Variants in CCDC180 observed in about 807,000 individuals in gnomAD.
The protein encoded by CCDC180 is coiled-coil domain-containing protein 180.
A neutral mutation model predicts 209.2 loss-of-function variants in CCDC180; 154 were observed. That is an observed-to-expected ratio of 0.74 (90% confidence interval 0.65 to 0.84). The LOEUF is 0.84. Among genes scored for constraint, CCDC180 ranks in the 40% least tolerant of loss-of-function variants. CCDC180 has a pLI of 0.00. For missense variants in CCDC180, 1,874 were observed against 1,997.3 expected (o/e 0.94, Z 1.18); for synonymous variants, 778 against 749.1 (o/e 1.04, Z -0.63).
At chr9:97,340,912 G>T (rs1826059183) in intron 18 of CCDC180, among the ~76,000 whole-genome samples, 2 of 152,226 alleles carry the variant, frequency 1.3e-5, no homozygotes. Flanking sequence ...CCGTCTCCCT[G>T]TGATGCTGTG....
At chr9:97,354,172 T>C (rs1428411672) in intron 22 of CCDC180, among the ~76,000 whole-genome samples, 3 of 151,914 alleles carry the variant, frequency 2.0e-5, no homozygotes, top group Non-Finnish European at 2.9e-5. Context: ...TAATTTTTTT[T>C]ACTTTTTTAG....
intron 19 of CCDC180, among the ~76,000 whole-genome samples, chr9:97,343,949 A>G (rs1203413007): frequency 2.0e-5 from 3 of 152,184 alleles, no homozygotes; most frequent in African/African-American, 4.8e-5. Context: ...TATCTCATGT[A>G]TGGTATTTTG....
At chr9:97,351,281 AG>A (rs1169471790) in intron 22 of CCDC180, among the ~76,000 whole-genome samples, 1 of 152,226 alleles carries the variant, frequency 6.6e-6, no homozygotes, top group East Asian at 1.9e-4. Context: ...GCAATGCACA[AG>A]GGTTCCAGTT....
At chr9:97,352,874 G>T (rs554485394) in intron 22 of CCDC180, among the ~76,000 whole-genome samples, 1 of 151,262 alleles carries the variant, frequency 6.6e-6, no homozygotes, top group East Asian at 1.9e-4. Context: ...TGAACCTTCT[G>T]CAAATCTATT....
In CCDC180 at chr9:97,340,145, C is replaced by T. The variant is rs1826033999; in HGVS notation, c.2275-3195C>T. Among the ~76,000 whole-genome samples, 2 of 152,208 alleles carry T rather than the reference C, an allele frequency of 1.3e-5. 1 individual carries two copies. The highest frequency in any genetic ancestry group is 4.1e-4 in the South Asian group (2 of 4,834). On this transcript the variant is annotated intron_variant, in intron 18 of 36. Transcript: ENST00000529487. ...GGAGAATTTTGTTATTACCAACTTT[C>T]TGAAGCCTACTTCTGTCAACTCGTC...
At position 97,334,903 on chromosome 9, in the gene CCDC180, A is replaced by G. The variant is rs149346779; in HGVS notation, c.2274+4136A>G. ...AGCAGCTTACTTTGAATGGTTATCC[A>G]TGAATGCACACTTCTCTCAGAGAGA... On this transcript the variant is annotated intron_variant, in intron 18 of 36. Transcript: ENST00000529487. Among the ~76,000 whole-genome samples, 51 of 152,300 alleles carry G rather than the reference A, an allele frequency of 3.3e-4. No homozygotes were observed. The East Asian group carries it at 9.3e-3, about 28-fold the overall frequency.
intron 31 of CCDC180, 61 bp from the exon 32 acceptor site, chr9:97,369,860 CG>C: frequency 6.4e-7 from 1 of 1,570,680 alleles, no homozygotes; most frequent in Non-Finnish European, 8.7e-7. Context: ...TTGTAGAGAT[CG>C]CCTCTGCAAG....
intron 21 of CCDC180, among the ~76,000 whole-genome samples, chr9:97,349,557 T>C (rs1826366551): frequency 6.6e-6 from 1 of 152,202 alleles, no homozygotes; most frequent in Middle Eastern, 3.2e-3. Flanking sequence ...ATATCAGTGG[T>C]GGGGAAGACC....
At chr9:97,327,961 T>C in intron 15 of CCDC180, 59 bp from the exon 16 acceptor site, 3 of 1,565,114 alleles carry the variant, frequency 1.9e-6, no homozygotes, top group South Asian at 2.4e-5. Context: ...GCCCATCTCC[T>C]TGGGGTCAGG....
rs751063951 is a variant in CCDC180 at position 97,312,151 on chromosome 9, G to A, written c.299G>A (p.Ser100Asn). ...ERAKREKARE[S>N]ENTIAAREVR... ...GCCAAGAGGGAAAAAGCCCGAGAGA[G>A]TGAGAACACCATCGCTGCCCGAGAA... Residue 100 changes from serine to asparagine, a missense_variant, in exon 4 of 37, where the codon AGT (serine) becomes AAT (asparagine). Ser to Asn is a conservative substitution (Grantham distance 46). Transcript: ENST00000529487. The A allele has an allele frequency of 1.1e-5, 17 of 1,614,038 alleles. No individual in the cohort carries two copies. The Admixed American group carries it at 2.2e-4, about 21-fold the overall frequency.
chr9:97,320,975 C>CT (rs910828303), intron 11 of CCDC180, among the ~76,000 whole-genome samples: 3 of 152,124 alleles, frequency 2.0e-5, no homozygotes, highest in Non-Finnish European at 4.4e-5. Flanking sequence ...GAATTTTGCT[C>CT]TTTTTCTGGG....
intron 5 of CCDC180, 134 bp downstream of exon 5, chr9:97,313,479 A>G (rs1056604130): frequency 1.7e-6 from 1 of 585,998 alleles, no homozygotes; most frequent in Non-Finnish European, 3.1e-6. Context: ...ACGACATGGA[A>G]CCCTCTCTGA....
At chr9:97,320,929 T>C (rs1401769134) in intron 11 of CCDC180, among the ~76,000 whole-genome samples, 2 of 152,190 alleles carry the variant, frequency 1.3e-5, no homozygotes, top group Non-Finnish European at 2.9e-5. Flanking sequence ...AGTGTGAAAG[T>C]GATACACATT....
rs368375748 is a variant in CCDC180, at chr9:97,334,873, G to A, written c.2274+4106G>A. 4.5e-4 allele frequency among the ~76,000 whole-genome samples: 68 copies of A among 152,164 alleles called. 1 individual carries two copies. In the East Asian group the frequency reaches 0.011, roughly 26 times the overall value. Reference sequence around the variant, plus strand: ...TACACCTCCGAAGCAACTCTCTGTTGTCTTAGCAGCTTACTTTGAATGGTT... The same window carrying A: ...TACACCTCCGAAGCAACTCTCTGTTATCTTAGCAGCTTACTTTGAATGGTT... On this transcript the variant is annotated intron_variant, in intron 18 of 36. Transcript: ENST00000529487.
At chr9:97,329,606 A>G (rs1021394839) in intron 16 of CCDC180, among the ~76,000 whole-genome samples, 1 of 152,192 alleles carries the variant, frequency 6.6e-6, no homozygotes, top group African/African-American at 2.4e-5. Flanking sequence ...TATCATAATG[A>G]GCTTTAATTC....
At chr9:97,360,227 T>A in intron 26 of CCDC180, 126 bp downstream of exon 26, 1 of 1,124,822 alleles carries the variant, frequency 8.9e-7, no homozygotes, top group Non-Finnish European at 1.3e-6. Context: ...GACATCAGGC[T>A]TACTGAGATG....
chr9:97,335,317 A>G (rs902997342), intron 18 of CCDC180, among the ~76,000 whole-genome samples: 1 of 151,966 alleles, frequency 6.6e-6, no homozygotes, highest in Non-Finnish European at 1.5e-5. Context: ...TCCTAATGCT[A>G]TCCCTCCCCC....
rs547543419 is a variant in CCDC180, at chr9:97,378,510, C to G, written c.*1616C>G. The G allele has an allele frequency of 1.6e-4, 24 of 152,210 alleles. No individual in the cohort carries two copies. The highest frequency in any genetic ancestry group is 5.8e-4 in the African/African-American group (24 of 41,542). The allele number at this position is 152,210 out of a possible 1,614,324, so 9.4% of individuals were successfully genotyped here. ...TTAACCTTACTAGAAAGGCTGCTTTCTAATATTTTCTCCCTGCTTTTTAAA... is the reference window on the plus strand; with the variant it reads ...TTAACCTTACTAGAAAGGCTGCTTTGTAATATTTTCTCCCTGCTTTTTAAA... On this transcript the variant is annotated 3_prime_UTR_variant, in exon 37 of 37. Transcript: ENST00000529487.
chr9:97,364,221 A>G (rs1389759128), intron 29 of CCDC180, 93 bp downstream of exon 29: 1 of 1,222,910 alleles, frequency 8.2e-7, no homozygotes, highest in African/African-American at 1.5e-5. Context: ...AAAATCAGAA[A>G]GGGGAAAGGC....
Sources: allele counts gnomAD v4.1 joint callset (sites outside exome capture counted in the v4.1 genomes callset), GRCh38; gene constraint gnomAD v4.1.1; transcripts MANE v1.5; gene names NCBI Gene and HGNC (gene_info 2026-07-23, HGNC 2026-07-21).